RNF19A: variants seen among roughly 807,000 people sequenced by gnomAD.
The protein encoded by RNF19A is E3 ubiquitin-protein ligase RNF19A.
RNF19A carries 32 observed loss-of-function variants against 75.7 expected under a neutral mutation model. The observed-to-expected ratio is 0.42, with a 90% CI of 0.32 to 0.57. The LOEUF (loss-of-function observed/expected upper bound fraction) is 0.57, where lower values mean the gene tolerates loss of function less well. Among genes scored for constraint, RNF19A ranks in the 20% least tolerant of loss-of-function variants. The pLI is 0.10. For synonymous variants in RNF19A, 335 were observed against 345.2 expected, an observed-to-expected ratio of 0.97 and a Z score of 0.33; for missense variants, 782 against 1,036.3, an observed-to-expected ratio of 0.75 and a Z score of 3.37.
In RNF19A at chr8:100,264,501, T is replaced by G. The variant is rs1819878516; in HGVS notation, c.1306+170A>C. 2 of 598,686 alleles carry G rather than the reference T, an allele frequency of 3.3e-6. No individual in the cohort carries two copies. Among genetic ancestry groups the G allele is most frequent in the East Asian group, 5.6e-5 (2 of 35,774 alleles). 37.1% of individuals were successfully genotyped at this position (598,686 alleles called of 1,614,324 possible). On this transcript the variant is annotated intron_variant, in intron 6 of 9. Transcript: ENST00000341084. The surrounding 1 kb of genome is among the most constrained non-coding windows in gnomAD (Gnocchi z 4.7). ...GGAAGGGTATCAGCCACTAACAATT[T>G]ACCAACTACTTTAAGGCTAGGCTCT...
Position 100,324,240 on chromosome 8 carries a change from T to C in RNF19A, c.-242-10868A>G, listed in dbSNP as rs1334708019. On this transcript the variant is annotated intron_variant, in intron 1 of 3. Coordinates refer to the RNF19A transcript ENST00000519527. The surrounding 1 kb of genome is among the most constrained non-coding windows in gnomAD (Gnocchi z 4.2). ...AATGATCTTCTCTGTATTTCAGTGT[T>C]GAATAGAACAGGAATAATTTAGTGG... 2.0e-5 allele frequency among the ~76,000 whole-genome samples: 3 copies of C among 152,328 alleles called. No homozygotes were observed. Among genetic ancestry groups the C allele is most frequent in the African/African-American group, 4.8e-5 (2 of 41,556 alleles).
intron 1 of RNF19A, chr8:100,309,603 G>A (rs1822215738): frequency 2.1e-6 from 2 of 957,590 alleles, no homozygotes; most frequent in Non-Finnish European, 2.5e-6. Flanking sequence ...CTCCACCTCG[G>A]CCCCCGCGGC....
At chr8:100,268,568 GAACATTTTA>G (rs1477593143) in intron 5 of RNF19A, 1 of 356,156 alleles carries the variant, frequency 2.8e-6, no homozygotes, top group Non-Finnish European at 5.0e-6. Context: ...TTCAGATTCA[GAACATTTTA>G]AAGCAAGTCT....
chr8:100,261,533 A>C lies in RNF19A; in HGVS notation c.1682+9T>G. The C allele has an allele frequency of 6.2e-7, 1 of 1,612,996 alleles. No homozygotes were observed. The highest frequency in any genetic ancestry group is 8.5e-7 in the Non-Finnish European group (1 of 1,179,168). ...AGAAAGCAGAACCAAACCAAACCAA[A>C]ACACACACCTGTTAAAACAGTTTAC... On this transcript the variant is annotated intron_variant, in intron 8 of 9. Transcript: ENST00000341084. The surrounding 1 kb of genome is among the most constrained non-coding windows in gnomAD (Gnocchi z 4.4).
rs1822580409 is a variant in RNF19A, at chr8:100,329,335, C to T, written c.-243+6773G>A. 6.6e-6 allele frequency among the ~76,000 whole-genome samples: 1 copy of T among 151,924 alleles called. No individual in the cohort carries two copies. Among genetic ancestry groups the T allele is most frequent in the Non-Finnish European group, 1.5e-5 (1 of 67,972 alleles). ...ATGCCACCTACATAGTTACAAAAGG[C>T]CTGACTTGGCAGCCATTCATGAGGG... On this transcript the variant is annotated intron_variant, in intron 1 of 3. Transcript: ENST00000519527. The surrounding 1 kb of genome is among the most constrained non-coding windows in gnomAD (Gnocchi z 4.3).
At position 100,261,440 on chromosome 8, in the gene RNF19A, G is replaced by A. The variant is rs1819708794; in HGVS notation, c.1682+102C>T. 9.7e-7 allele frequency: 1 copy of A among 1,025,960 alleles called. No homozygotes were observed. Among genetic ancestry groups the A allele is most frequent in the South Asian group, 1.4e-5 (1 of 70,024 alleles). The allele number at this position is 1,025,960 out of a possible 1,614,324, so 63.6% of individuals were successfully genotyped here. A position where few individuals can be genotyped will look rare whatever the true frequency, so the allele number is the denominator to read the frequency against. ...CATTACTATTTTGAACCTTGACATA[G>A]TAGGGTTATATATAATCATCATGCT... On this transcript the variant is annotated intron_variant, in intron 8 of 9. Transcript: ENST00000341084. The surrounding 1 kb of genome is among the most constrained non-coding windows in gnomAD (Gnocchi z 4.4).
At chr8:100,290,188 C>G (rs780755336) in intron 1 of RNF19A, among the ~76,000 whole-genome samples, 5 of 152,158 alleles carry the variant, frequency 3.3e-5, no homozygotes, top group Non-Finnish European at 7.4e-5. Context: ...AATCTCGGCT[C>G]ACTGCAGCCT....
rs1013619903 is a variant in RNF19A at position 100,260,095 on chromosome 8, A to C, written c.1683-98T>G. ...TTCAGTTAAGAACCCTAGTAACCAGAAGCTATTTTAGGAACCATTATTTTT... is the reference window on the plus strand; with the variant it reads ...TTCAGTTAAGAACCCTAGTAACCAGCAGCTATTTTAGGAACCATTATTTTT... On this transcript the variant is annotated intron_variant, in intron 8 of 9. Transcript: ENST00000341084. The surrounding 1 kb of genome is among the most constrained non-coding windows in gnomAD (Gnocchi z 4.1). 9.4e-7 allele frequency: 1 copy of C among 1,066,008 alleles called. No homozygotes were observed. The highest frequency in any genetic ancestry group is 1.4e-6 in the Non-Finnish European group (1 of 717,750). 66.0% of individuals were successfully genotyped at this position (1,066,008 alleles called of 1,614,324 possible).
rs1175481043 is a variant in RNF19A, at chr8:100,333,091, G to A, written c.-243+3017C>T. Among the ~76,000 whole-genome samples the A allele has an allele frequency of 6.6e-6, 1 of 150,722 alleles. No individual in the cohort carries two copies. Among genetic ancestry groups the A allele is most frequent in the East Asian group, 1.9e-4 (1 of 5,178 alleles). On this transcript the variant is annotated intron_variant, in intron 1 of 3. Transcript: ENST00000519527. This position sits in a 1 kb window ranked among gnomAD's most constrained non-coding sequence, Gnocchi z 4.7. ...CCATTTCTAGTATGGAAAAAAAAAA[G>A]AACAAACCTAGGTTCTGCCTTCATA...
Position 100,329,793 on chromosome 8 carries a change from C to A in RNF19A, c.-243+6315G>T, listed in dbSNP as rs143726301. 1.8e-4 allele frequency among the ~76,000 whole-genome samples: 28 copies of A among 152,250 alleles called. No individual in the cohort carries two copies. The highest frequency in any genetic ancestry group is 3.4e-3 in the Middle Eastern group (1 of 294). ...AGAAGTAGCTTCATGGTTTGTTAAT[C>A]CAGAGGGCAAACTGAGTACTAGATT... is the stretch of plus-strand genomic sequence containing the variant. On this transcript the variant is annotated intron_variant, in intron 1 of 3. Coordinates refer to the RNF19A transcript ENST00000519527. This position sits in a 1 kb window ranked among gnomAD's most constrained non-coding sequence, Gnocchi z 4.3.
chr8:100,308,697 A>AG (rs1474007238), intron 1 of RNF19A, among the ~76,000 whole-genome samples: 3 of 152,212 alleles, frequency 2.0e-5, no homozygotes, highest in Non-Finnish European at 4.4e-5. Flanking sequence ...TTTAAAAAAA[A>AG]AAAATGTGGA....
rs1410707779 is a variant in RNF19A, at chr8:100,259,890, G to A, written c.1790C>T (p.Ala597Val). 4.3e-6 allele frequency: 7 copies of A among 1,613,728 alleles called. No individual in the cohort carries two copies. The highest frequency in any genetic ancestry group is 1.7e-5 in the Admixed American group (1 of 59,988). ...VSDNASTKAM[A>V]GSILNSYIPL... ...GATGTAGGAATTCAGAATGGATCCT[G>A]CCATTGCTTTGGTGCTGGCATTATC... The change falls in exon 9 of 10, where the codon GCA becomes GTA. Residue 597 changes from alanine to valine, a missense_variant. Ala to Val is a moderately conservative substitution (Grantham distance 64, BLOSUM62 0). Transcript: ENST00000341084. The surrounding 1 kb of genome is among the most constrained non-coding windows in gnomAD (Gnocchi z 4.5).
chr8:100,311,717 CAAAAAAA>C (rs55695585), upstream of RNF19A, among the ~76,000 whole-genome samples: 18 of 89,908 alleles, frequency 2.0e-4, no homozygotes, highest in Non-Finnish European at 3.2e-4. Flanking sequence ...GACTCCGTCT[CAAAAAAA>C]AAAAAAAAAA....
chr8:100,267,879 T>C (rs1232992848), intron 5 of RNF19A, among the ~76,000 whole-genome samples: 1 of 151,994 alleles, frequency 6.6e-6, no homozygotes, highest in African/African-American at 2.4e-5. Context: ...GGTTTCACCA[T>C]GTTGGCCAGG....
intron 2 of RNF19A, among the ~76,000 whole-genome samples, chr8:100,279,665 AG>A (rs1276890872): frequency 6.6e-6 from 1 of 152,190 alleles, no homozygotes; most frequent in Admixed American, 6.5e-5. Flanking sequence ...CTCAGATTAC[AG>A]GGGCGCATCA....
intron 1 of RNF19A, among the ~76,000 whole-genome samples, chr8:100,295,455 T>C (rs76454678): frequency 0.044 from 6,753 of 152,216 alleles, 448 homozygotes; most frequent in African/African-American, 0.14. Context: ...TCACTGGGCA[T>C]AACTTTAGGA....
chr8:100,320,182 C>T (rs1822445267), intron 1 of RNF19A, among the ~76,000 whole-genome samples: 1 of 152,166 alleles, frequency 6.6e-6, no homozygotes. Context: ...TACAAATTCA[C>T]AAATAACATA....
Position 100,275,220 on chromosome 8 carries a change from A to G in RNF19A, c.675-59T>C. 1 of 1,443,494 alleles carries G rather than the reference A, an allele frequency of 6.9e-7. No individual in the cohort carries two copies. The highest frequency in any genetic ancestry group is 9.7e-7 in the Non-Finnish European group (1 of 1,031,928). 89.4% of individuals were successfully genotyped at this position (1,443,494 alleles called of 1,614,324 possible). A position where few individuals can be genotyped will look rare whatever the true frequency, so the allele number is the denominator to read the frequency against. Reference sequence around the variant, plus strand: ...ACATAAAACAAGAGATACTCATTTCAAAAAGTATCCAACTAAAGATTATTC... The same window carrying G: ...ACATAAAACAAGAGATACTCATTTCGAAAAGTATCCAACTAAAGATTATTC... On this transcript the variant is annotated intron_variant, in intron 2 of 9. Coordinates refer to ENST00000341084, the MANE Select transcript of RNF19A (RefSeq NM_183419.4). The surrounding 1 kb of genome is among the most constrained non-coding windows in gnomAD (Gnocchi z 4.3).
rs1383801466 is a variant in RNF19A at position 100,332,870 on chromosome 8, T to C, written c.-243+3238A>G. Among the ~76,000 whole-genome samples the C allele has an allele frequency of 1.3e-5, 2 of 152,250 alleles. No individual in the cohort carries two copies. Among genetic ancestry groups the C allele is most frequent in the Non-Finnish European group, 1.5e-5 (1 of 68,038 alleles). ...ATTATTGATTGGTACAAGCTGTTTATATTTTGTGGAAATTAGCCTCTTTTC... is the reference window on the plus strand; with the variant it reads ...ATTATTGATTGGTACAAGCTGTTTACATTTTGTGGAAATTAGCCTCTTTTC... On this transcript the variant is annotated intron_variant, in intron 1 of 3. Coordinates refer to the RNF19A transcript ENST00000519527. The surrounding 1 kb of genome is among the most constrained non-coding windows in gnomAD (Gnocchi z 4.8).
Sources: gnomAD v4.1 joint callset for allele counts (sites outside exome capture counted in the v4.1 genomes callset) on GRCh38, gnomAD v4.1.1 for gene constraint, Gnocchi (gnomAD v3.1) non-coding constraint, MANE v1.5 for transcripts, NCBI Gene and HGNC (gene_info 2026-07-23, HGNC 2026-07-21) for gene names.